KLRK1: variants seen among roughly 807,000 people sequenced by gnomAD.
The protein encoded by KLRK1 is killer cell lectin like receptor K1.
A neutral mutation model predicts 31.3 loss-of-function variants in KLRK1; 40 were observed. The ratio of observed to expected loss-of-function variants is 1.28; its 90% CI spans 0.99 to 1.67. The LOEUF is 1.67. KLRK1 is among the 40% of genes most tolerant of loss of function. KLRK1 has a pLI of 0.00. For missense variants in KLRK1, 251 were observed against 260.0 expected (o/e 0.97, Z 0.24); for synonymous variants, 77 against 77.3 (o/e 1.00, Z 0.02).
chr12:10,386,707 C>T (rs1341731539), intron 3 of KLRK1, among the ~76,000 whole-genome samples, 196 bp downstream of exon 3: 1 of 151,602 alleles, frequency 6.6e-6, no homozygotes, highest in Non-Finnish European at 1.5e-5. Flanking sequence ...TTTTTTAGGG[C>T]GTGACAATAT....
intron 7 of KLRK1, among the ~76,000 whole-genome samples, chr12:10,373,616 A>G (rs2137799053): frequency 6.6e-6 from 1 of 152,382 alleles, no homozygotes; most frequent in East Asian, 1.9e-4. Context: ...CTTCAGATAT[A>G]TGCAATTTTA....
Position 10,372,798 on chromosome 12 carries a change from C to A in KLRK1, c.*316G>T. ...GCTGGCCTTCTCTTCCTTCACTGAT[C>A]CCCTGGGTGTTGGTCCTACCTTTAG... On this transcript the variant is annotated 3_prime_UTR_variant, in exon 8 of 8. Coordinates refer to ENST00000240618, the MANE Select transcript of KLRK1 (RefSeq NM_007360.4). 1 of 291,138 alleles carries A rather than the reference C, an allele frequency of 3.4e-6. No homozygotes were observed. Among genetic ancestry groups the A allele is most frequent in the South Asian group, 3.3e-5 (1 of 30,466 alleles). 18.0% of individuals were successfully genotyped at this position (291,138 alleles called of 1,614,324 possible).
chr12:10,382,963 T>C (rs1337891917), intron 3 of KLRK1, among the ~76,000 whole-genome samples: 1 of 152,098 alleles, frequency 6.6e-6, no homozygotes, highest in Admixed American at 6.6e-5. Context: ...AGCTATAAGA[T>C]GTCCTTGTAA....
At chr12:10,375,932 A>ACACTT (rs1012189513) in intron 7 of KLRK1, among the ~76,000 whole-genome samples, 42 of 152,348 alleles carry the variant, frequency 2.8e-4, no homozygotes, top group African/African-American at 9.6e-4. Context: ...CAGACATGGG[A>ACACTT]CACTTCAGAA....
At chr12:10,379,280 C>A in intron 5 of KLRK1, 167 bp downstream of exon 5, 4 of 220,088 alleles carry the variant, frequency 1.8e-5, no homozygotes, top group East Asian at 1.9e-4. Context: ...GTAGCCTCTA[C>A]TTTTTACAAG....
Position 10,388,831 on chromosome 12 carries a change from T to G in KLRK1, c.-21A>C. ...CCCATCAAATACTTATAAGTGCACGTCTACCGCAGAGAGGAATCTAAAGTC... is the reference window on the plus strand; with the variant it reads ...CCCATCAAATACTTATAAGTGCACGGCTACCGCAGAGAGGAATCTAAAGTC... On this transcript the variant is annotated 5_prime_UTR_variant, in exon 2 of 8. Coordinates refer to ENST00000240618, the MANE Select transcript of KLRK1 (RefSeq NM_007360.4). The G allele has an allele frequency of 6.2e-7, 1 of 1,613,776 alleles. No individual in the cohort carries two copies. Among genetic ancestry groups the G allele is most frequent in the Non-Finnish European group, 8.5e-7 (1 of 1,179,844 alleles).
chr12:10,373,201 G>T lies in KLRK1; in HGVS notation c.564C>A (p.Asp188Glu). The change falls in exon 8 of 8, where the codon GAC becomes GAA. Residue 188 changes from aspartate to glutamate, a missense_variant. Coordinates refer to ENST00000240618, the MANE Select transcript of KLRK1 (RefSeq NM_007360.4). ...TAAAGCTCGAGGCATAGAGTGCACA[G>T]TCTCCCTTCTGCATTTCAATTATTG... ...LLTIIEMQKG[D>E]CALYASSFKG... 1 of 1,606,374 alleles carries T rather than the reference G, an allele frequency of 6.2e-7. No homozygotes were observed. Among genetic ancestry groups the T allele is most frequent in the Non-Finnish European group, 8.5e-7 (1 of 1,177,974 alleles).
chr12:10,386,874 A>G, intron 3 of KLRK1, 29 bp downstream of exon 3: 2 of 1,566,084 alleles, frequency 1.3e-6, no homozygotes, highest in South Asian at 1.2e-5. Context: ...CAATATACTG[A>G]GAGTAGACAA....
chr12:10,389,924 C>A lies in KLRK1; in HGVS notation c.-66+19G>T, dbSNP rs1192812510. 1 of 152,022 alleles carries A rather than the reference C, an allele frequency of 6.6e-6. No homozygotes were observed. The highest frequency in any genetic ancestry group is 2.4e-5 in the African/African-American group (1 of 41,418). The allele number at this position is 152,022 out of a possible 1,614,324, so 9.4% of individuals were successfully genotyped here. On this transcript the variant is annotated intron_variant, in intron 1 of 7. Coordinates refer to ENST00000240618, the MANE Select transcript of KLRK1 (RefSeq NM_007360.4). Reference sequence around the variant, plus strand: ...ATATCTTGAATAATAAACACACACACATACACACATACACACACCTGCTCA... The same window carrying A: ...ATATCTTGAATAATAAACACACACAAATACACACATACACACACCTGCTCA...
At chr12:10,389,083 T>C (rs970386476) in intron 1 of KLRK1, 1 of 434,702 alleles carries the variant, frequency 2.3e-6, no homozygotes, top group African/African-American at 2.0e-5. Context: ...CTTCAAAATG[T>C]CATAACAATA....
rs1863056944 is a variant in KLRK1 at position 10,380,602 on chromosome 12, G to C, written c.149-810C>G. Among the ~76,000 whole-genome samples, 3 of 152,132 alleles carry C rather than the reference G, an allele frequency of 2.0e-5. No individual in the cohort carries two copies. In the South Asian group the frequency reaches 6.2e-4, roughly 32 times the overall value. On this transcript the variant is annotated intron_variant, in intron 3 of 7. Coordinates refer to ENST00000240618, the MANE Select transcript of KLRK1 (RefSeq NM_007360.4). ...TAGCATAGAAAGGGAAGAGAAGCAG[G>C]TGACATGGATCAGCTTGGAGCCAAG... is the stretch of plus-strand genomic sequence containing the variant.
chr12:10,387,156 A>G, intron 2 of KLRK1, 146 bp from the exon 3 acceptor site: 3 of 571,080 alleles, frequency 5.3e-6, no homozygotes, highest in East Asian at 6.0e-5. Flanking sequence ...CTTTTGTTTT[A>G]TAGTACTACA....
rs1035540730 is a variant in KLRK1, at chr12:10,379,912, TTAA to T, written c.149-123_149-121del. 14 of 858,542 alleles carry T rather than the reference TTAA, an allele frequency of 1.6e-5. No individual in the cohort carries two copies. The South Asian group carries it at 1.8e-4, about 11-fold the overall frequency. The allele number at this position is 858,542 out of a possible 1,614,324, so 53.2% of individuals were successfully genotyped here. A position where few individuals can be genotyped will look rare whatever the true frequency, so the allele number is the denominator to read the frequency against. On this transcript the variant is annotated intron_variant, in intron 3 of 7. Transcript: ENST00000240618. The stretch of plus-strand genomic sequence containing the variant: ...AGGTGGTATTGATCCTTTTTCTGCC[TTAA>T]TAATTTTTTCCAGAACAGAACATAA...
intron 3 of KLRK1, among the ~76,000 whole-genome samples, chr12:10,380,743 A>T (rs1565492947): frequency 6.6e-6 from 1 of 152,188 alleles, no homozygotes; most frequent in Non-Finnish European, 1.5e-5. Context: ...ACGATCCCTG[A>T]GTCCAGTATA....
chr12:10,388,624 T>C, intron 2 of KLRK1, 147 bp downstream of exon 2: 2 of 924,756 alleles, frequency 2.2e-6, no homozygotes, highest in East Asian at 2.7e-5. Flanking sequence ...TAAAATACAA[T>C]ATGAACATAA....
chr12:10,378,383 C>A, intron 6 of KLRK1, 148 bp from the exon 7 acceptor site: 1 of 1,329,488 alleles, frequency 7.5e-7, no homozygotes, highest in Non-Finnish European at 1.0e-6. Context: ...AGCACACATA[C>A]ATGATACCTA....
At chr12:10,385,985 ATTT>A (rs5796391) in intron 3 of KLRK1, among the ~76,000 whole-genome samples, 20 of 146,878 alleles carry the variant, frequency 1.4e-4, no homozygotes, top group South Asian at 2.2e-4. Context: ...TATCCTATGA[ATTT>A]TTTTTTTTTT....
In KLRK1 at chr12:10,376,810, C is replaced by CTTATTTATTTAT. The variant is rs57195493; in HGVS notation, c.533+1310_533+1321dup. Among the ~76,000 whole-genome samples, 358 of 149,828 alleles carry CTTATTTATTTAT rather than the reference C, an allele frequency of 2.4e-3. 1 individual carries two copies. The highest frequency in any genetic ancestry group is 7.6e-3 in the African/African-American group (311 of 40,834). On this transcript the variant is annotated intron_variant, in intron 7 of 7. Transcript: ENST00000240618. ...CATCATTTAGTGTGTCTGAAATTTACTTATTTATTTATTTATTTATTTATG... is the reference window on the plus strand; with the variant it reads ...CATCATTTAGTGTGTCTGAAATTTACTTATTTATTTATTTATTTATTTATTTATTTATTTATG...
chr12:10,384,649 G>C (rs933629552), intron 3 of KLRK1, among the ~76,000 whole-genome samples: 8 of 151,966 alleles, frequency 5.3e-5, no homozygotes, highest in African/African-American at 1.9e-4. Context: ...AACACTACTA[G>C]AAGAGATAAG....
Sources: gnomAD v4.1 joint callset for allele counts (sites outside exome capture counted in the v4.1 genomes callset) on GRCh38, gnomAD v4.1.1 for gene constraint, MANE v1.5 for transcripts, NCBI Gene and HGNC (gene_info 2026-07-23, HGNC 2026-07-21) for gene names.